The following SLC10A1 variants were observed in gnomAD, a reference collection of about 807,000 sequenced individuals.
SLC10A1 encodes the protein hepatic sodium/bile acid cotransporter.
SLC10A1 carries 36 observed loss-of-function variants against 20.5 expected under a neutral mutation model. That is an observed-to-expected ratio of 1.75 (90% CI 1.34 to 2.32). The LOEUF is 2.32. SLC10A1 is among the 30% of genes most tolerant of loss of function. The probability of loss-of-function intolerance (pLI) is 0.00; values close to 1 mark genes in which losing one functional copy is unlikely to be tolerated. For synonymous variants in SLC10A1, 188 were observed against 163.6 expected (o/e 1.15, Z -1.14); for missense variants, 545 against 439.1 (o/e 1.24, Z -2.16).
intron 1 of SLC10A1, among the ~76,000 whole-genome samples, chr14:69,792,159 T>C (rs1882286830): frequency 6.6e-6 from 1 of 152,114 alleles, no homozygotes; most frequent in Admixed American, 6.5e-5. Context: ...TTTGCCATGT[T>C]GGACAGGCTT....
At chr14:69,791,978 G>T (rs1437110750) in intron 1 of SLC10A1, among the ~76,000 whole-genome samples, 1 of 150,816 alleles carries the variant, frequency 6.6e-6, no homozygotes, top group Non-Finnish European at 1.5e-5. Context: ...TTGAGACAGG[G>T]TGTTGCTCTG....
intron 1 of SLC10A1, among the ~76,000 whole-genome samples, chr14:69,790,229 T>C (rs960288373): frequency 6.6e-6 from 1 of 152,168 alleles, no homozygotes; most frequent in Non-Finnish European, 1.5e-5. Context: ...CTACATGATT[T>C]ATACTGTCTT....
At chr14:69,785,206 A>G (rs1418088481) in intron 2 of SLC10A1, among the ~76,000 whole-genome samples, 1 of 152,182 alleles carries the variant, frequency 6.6e-6, no homozygotes, top group Non-Finnish European at 1.5e-5. Flanking sequence ...ATATTGGTGG[A>G]GAGACCATAG....
chr14:69,785,291 T>C lies in SLC10A1; in HGVS notation c.567+806A>G, dbSNP rs574438844. On this transcript the variant is annotated intron_variant, in intron 2 of 4. Coordinates refer to ENST00000216540, the MANE Select transcript of SLC10A1 (RefSeq NM_003049.4). ...GTGACCACAGTGCTTCTCAAAACCTTTGTGGCCTTAATTCACTCCACTTCC... is the reference window on the plus strand; with the variant it reads ...GTGACCACAGTGCTTCTCAAAACCTCTGTGGCCTTAATTCACTCCACTTCC... Among the ~76,000 whole-genome samples the C allele has an allele frequency of 5.3e-5, 8 of 152,314 alleles. No homozygotes were observed. In the East Asian group the frequency reaches 1.5e-3, roughly 29 times the overall value.
In SLC10A1 at chr14:69,785,643, C is replaced by T. The variant is rs147424988; in HGVS notation, c.567+454G>A. ...ATGGAGTCTTGCTCTGTGGCCCAGG[C>T]GGGAGTGCAGTGGCGCGATCTCGGC... On this transcript the variant is annotated intron_variant, in intron 2 of 4. Transcript: ENST00000216540. Among the ~76,000 whole-genome samples, 785 of 146,912 alleles carry T rather than the reference C, an allele frequency of 5.3e-3. 4 individuals carry two copies. The highest frequency in any genetic ancestry group is 7.9e-3 in the Non-Finnish European group (534 of 67,326).
intron 4 of SLC10A1, among the ~76,000 whole-genome samples, chr14:69,776,656 A>G (rs898095083): frequency 6.6e-5 from 10 of 152,232 alleles, no homozygotes; most frequent in Middle Eastern, 3.2e-3. Context: ...GTTATACAGT[A>G]AAACAACAGG....
Position 69,797,218 on chromosome 14 carries a change from T to A in SLC10A1, c.-63A>T. 7.2e-7 allele frequency: 1 copy of A among 1,381,636 alleles called. No individual in the cohort carries two copies. Among genetic ancestry groups the A allele is most frequent in the Non-Finnish European group, 1.0e-6 (1 of 1,001,876 alleles). The allele number at this position is 1,381,636 out of a possible 1,614,324, so 85.6% of individuals were successfully genotyped here. A position where few individuals can be genotyped will look rare whatever the true frequency, so the allele number is the denominator to read the frequency against. ...CGGCTGACTCCGTTTCTTGTGCAGT[T>A]CTTGCTGGATGCCTTCTTTAATCAC... On this transcript the variant is annotated 5_prime_UTR_variant, in exon 1 of 5. Transcript: ENST00000216540.
At chr14:69,776,751 G>GA in intron 4 of SLC10A1, among the ~76,000 whole-genome samples, 1 of 152,342 alleles carries the variant, frequency 6.6e-6, no homozygotes, top group East Asian at 1.9e-4. Flanking sequence ...GTCTAACCAA[G>GA]AGAGTTTCCA....
At chr14:69,786,022 A>G in intron 2 of SLC10A1, 75 bp downstream of exon 2, 1 of 1,042,384 alleles carries the variant, frequency 9.6e-7, no homozygotes, top group Non-Finnish European at 1.5e-6. Flanking sequence ...TTATTAATAT[A>G]ATGATTATAT....
At chr14:69,777,651 G>T (rs1296562911) in intron 4 of SLC10A1, among the ~76,000 whole-genome samples, 1 of 129,306 alleles carries the variant, frequency 7.7e-6, no homozygotes, top group Non-Finnish European at 1.6e-5. Flanking sequence ...TCTGTTCTCT[G>T]GTCTGTCTTG....
rs1240228124 is a variant in SLC10A1 at position 69,778,328 on chromosome 14, C to T, written c.943+5G>A. Reference sequence around the variant, plus strand: ...ACTTGAAGTGGGGATAATTTCAGTACTCACCCTTGGGAGTCTTGAATTTCT... The same window carrying T: ...ACTTGAAGTGGGGATAATTTCAGTATTCACCCTTGGGAGTCTTGAATTTCT... On this transcript the variant is annotated splice_donor_5th_base_variant and intron_variant, in intron 4 of 4. Coordinates refer to ENST00000216540, the MANE Select transcript of SLC10A1 (RefSeq NM_003049.4). 3.2e-5 allele frequency: 50 copies of T among 1,587,214 alleles called. No homozygotes were observed. The highest frequency in any genetic ancestry group is 4.3e-5 in the Non-Finnish European group (50 of 1,168,076).
In SLC10A1 at chr14:69,778,405, TC is replaced by T. The variant is rs866366803; in HGVS notation, c.870del (p.Met290IlefsTer30). The T allele has an allele frequency of 1.1e-5, 18 of 1,613,528 alleles. No individual in the cohort carries two copies. Among genetic ancestry groups the T allele is most frequent in the Non-Finnish European group, 1.5e-5 (18 of 1,179,896 alleles). On this transcript the variant is annotated frameshift_variant, in exon 4 of 5. Coordinates refer to ENST00000216540, the MANE Select transcript of SLC10A1 (RefSeq NM_003049.4). LOFTEE classifies it high-confidence loss of function. ...AGAAGCCCTTCTCCAAGCTGGAAAA[TC>T]ATGTAGAGGAGGGGAAAGAAGAAAA... is the stretch of plus-strand genomic sequence containing the variant. The part of the protein sequence containing the change: ...GPLFFFPLLY[M>X]IFQLGEGLLL...
chr14:69,791,318 TGA>T (rs1358765657), intron 1 of SLC10A1, among the ~76,000 whole-genome samples: 3 of 151,998 alleles, frequency 2.0e-5, no homozygotes, highest in Non-Finnish European at 2.9e-5. Flanking sequence ...TTTTTTTTTT[TGA>T]GACAGAGTCT....
At chr14:69,793,772 A>G (rs1458862627) in intron 1 of SLC10A1, among the ~76,000 whole-genome samples, 1 of 152,128 alleles carries the variant, frequency 6.6e-6, no homozygotes, top group East Asian at 1.9e-4. Context: ...GGCAGCAAGG[A>G]TGGTCAAAAG....
rs1883430266 is a variant in SLC10A1, at chr14:69,775,694, A to G, written c.*588T>C. On this transcript the variant is annotated 3_prime_UTR_variant, in exon 5 of 5. Transcript: ENST00000216540. ...CATGATGCATTCGCCCAGTTTTTTC[A>G]TTTCATTAGCTATTTTTTGAGTTTG... is the stretch of plus-strand genomic sequence containing the variant. 1 of 151,910 alleles carries G rather than the reference A, an allele frequency of 6.6e-6. No homozygotes were observed. Among genetic ancestry groups the G allele is most frequent in the Non-Finnish European group, 1.5e-5 (1 of 68,040 alleles). The allele number at this position is 151,910 out of a possible 1,614,324, so 9.4% of individuals were successfully genotyped here.
chr14:69,780,073 G>A (rs778411765), intron 2 of SLC10A1, among the ~76,000 whole-genome samples: 1 of 152,218 alleles, frequency 6.6e-6, no homozygotes, highest in Non-Finnish European at 1.5e-5. Flanking sequence ...AACCCAAAAT[G>A]ATGTCTAATA....
chr14:69,782,733 G>A (rs765736209), intron 2 of SLC10A1, among the ~76,000 whole-genome samples: 11 of 151,886 alleles, frequency 7.2e-5, no homozygotes, highest in Non-Finnish European at 1.3e-4. Flanking sequence ...GTGTGAACTC[G>A]GGAGGTGGAG....
At chr14:69,790,304 T>C (rs1332985007) in intron 1 of SLC10A1, among the ~76,000 whole-genome samples, 2 of 152,158 alleles carry the variant, frequency 1.3e-5, no homozygotes, top group Non-Finnish European at 1.5e-5. Flanking sequence ...TCTGTCCAGA[T>C]AATATAAAAA....
chr14:69,788,750 G>A (rs1269466679), intron 1 of SLC10A1, among the ~76,000 whole-genome samples: 1 of 152,074 alleles, frequency 6.6e-6, no homozygotes, highest in Non-Finnish European at 1.5e-5. Flanking sequence ...GTTTCACCGT[G>A]TTAGCCAGGA....
Sources: gnomAD v4.1 joint callset for allele counts (sites outside exome capture counted in the v4.1 genomes callset) on GRCh38, gnomAD v4.1.1 for gene constraint, MANE v1.5 for transcripts, NCBI Gene and HGNC (gene_info 2026-07-23, HGNC 2026-07-21) for gene names.